Variants in DPP10 observed in about 807,000 individuals in gnomAD.
DPP10 encodes inactive dipeptidyl peptidase 10.
DPP10 carries 33 observed loss-of-function variants against 120.9 expected under a neutral mutation model. The ratio of observed to expected loss-of-function variants is 0.27; its 90% CI spans 0.21 to 0.37. DPP10 has a LOEUF of 0.37. Among genes scored for constraint, DPP10 ranks in the 10% least tolerant of loss-of-function variants. The probability of loss-of-function intolerance (pLI) is 1.00; values close to 1 mark genes in which losing one functional copy is unlikely to be tolerated. For missense variants in DPP10, 816 were observed against 942.8 expected (o/e 0.87, Z 1.76); for synonymous variants, 337 against 326.1 (o/e 1.03, Z -0.36).
intron 3 of DPP10, among the ~76,000 whole-genome samples, chr2:115,345,588 AT>A (rs1030950900): frequency 2.6e-5 from 4 of 152,122 alleles, no homozygotes; most frequent in African/African-American, 9.7e-5. Context: ...TTTTGGACAA[AT>A]TATAGACATT....
chr2:115,707,172 C>T (rs1172213017), intron 7 of DPP10, among the ~76,000 whole-genome samples: 4 of 151,882 alleles, frequency 2.6e-5, no homozygotes, highest in Non-Finnish European at 4.4e-5. Flanking sequence ...TTCAACATTT[C>T]TCTTACAGTA....
At chr2:115,467,678 T>C (rs963991949) in intron 3 of DPP10, among the ~76,000 whole-genome samples, 1 of 152,126 alleles carries the variant, frequency 6.6e-6, no homozygotes, top group Non-Finnish European at 1.5e-5. Flanking sequence ...CAATTTAATA[T>C]GATGAACTTA....
intron 1 of DPP10, among the ~76,000 whole-genome samples, chr2:114,568,849 C>G (rs1158207328): frequency 6.6e-6 from 1 of 152,160 alleles, no homozygotes; most frequent in Non-Finnish European, 1.5e-5. Context: ...CTCTGTATCA[C>G]CAAATCTATT....
chr2:114,848,843 T>C (rs1688738171), intron 1 of DPP10, among the ~76,000 whole-genome samples: 2 of 152,156 alleles, frequency 1.3e-5, no homozygotes, highest in South Asian at 4.1e-4. Flanking sequence ...TTACACTGGG[T>C]GGCTTATAAA....
At chr2:115,476,314 CG>C (rs1374089713) in intron 3 of DPP10, among the ~76,000 whole-genome samples, 1 of 152,076 alleles carries the variant, frequency 6.6e-6, no homozygotes, top group Non-Finnish European at 1.5e-5. Context: ...ATTCTGCAGC[CG>C]TGTAAGACAT....
chr2:114,989,621 CTA>C (rs1700638214), intron 1 of DPP10, among the ~76,000 whole-genome samples: 1 of 152,122 alleles, frequency 6.6e-6, no homozygotes, highest in South Asian at 2.1e-4. Flanking sequence ...TATAGAGAAT[CTA>C]TTTTAGAAAC....
At chr2:115,396,849 G>T (rs147788829) in intron 3 of DPP10, among the ~76,000 whole-genome samples, 2 of 152,030 alleles carry the variant, frequency 1.3e-5, no homozygotes, top group Non-Finnish European at 2.9e-5. Context: ...AAGGAAAAAC[G>T]AACCAAGGAA....
chr2:115,184,814 A>G (rs960521240), intron 1 of DPP10, among the ~76,000 whole-genome samples: 3 of 152,340 alleles, frequency 2.0e-5, no homozygotes, highest in Middle Eastern at 6.8e-3. Flanking sequence ...AGTAATTGCA[A>G]TGAGACAGAA....
chr2:115,370,284 A>G (rs2065322836), intron 3 of DPP10, among the ~76,000 whole-genome samples: 1 of 152,016 alleles, frequency 6.6e-6, no homozygotes, highest in Admixed American at 6.6e-5. Flanking sequence ...TACTTACTTG[A>G]AGGTCAGTCA....
intron 3 of DPP10, among the ~76,000 whole-genome samples, chr2:115,454,234 TATC>T (rs1276438062): frequency 1.3e-5 from 2 of 151,526 alleles, no homozygotes; most frequent in African/African-American, 4.8e-5. Context: ...CTAATTCTCA[TATC>T]AGACAAATGC....
chr2:115,831,885 C>T (rs1020045293), intron 21 of DPP10, among the ~76,000 whole-genome samples: 1 of 152,126 alleles, frequency 6.6e-6, no homozygotes, highest in Non-Finnish European at 1.5e-5. Context: ...TAGCAAAATC[C>T]GATCACGGGA....
At chr2:115,021,943 T>C (rs1212673958) in intron 1 of DPP10, among the ~76,000 whole-genome samples, 1 of 152,088 alleles carries the variant, frequency 6.6e-6, no homozygotes, top group Non-Finnish European at 1.5e-5. Context: ...AGAAAAGCGT[T>C]TGACAAAATC....
chr2:115,019,175 G>A (rs569335298), intron 1 of DPP10, among the ~76,000 whole-genome samples: 40 of 151,526 alleles, frequency 2.6e-4, no homozygotes, highest in African/African-American at 7.5e-4. Context: ...TTTTTAATTT[G>A]TACTAAAAGC....
chr2:114,593,019 A>C (rs1691591578), intron 1 of DPP10, among the ~76,000 whole-genome samples: 1 of 152,182 alleles, frequency 6.6e-6, no homozygotes, highest in African/African-American at 2.4e-5. Flanking sequence ...TCTCTTCCAG[A>C]TAATACAAAA....
At chr2:115,391,753 A>C (rs1469611477) in intron 3 of DPP10, among the ~76,000 whole-genome samples, 1 of 152,136 alleles carries the variant, frequency 6.6e-6, no homozygotes, top group East Asian at 1.9e-4. Context: ...TAACATATTA[A>C]AAATATTTAT....
At chr2:114,792,990 TTGTGTGTGTGTGTG>T (rs55780807) in intron 1 of DPP10, among the ~76,000 whole-genome samples, 8 of 143,740 alleles carry the variant, frequency 5.6e-5, no homozygotes, top group South Asian at 4.6e-4. Flanking sequence ...AACTGTATTA[TTGTGTGTGTGTGTG>T]TGTGTGTGTG....
chr2:115,573,681 G>A (rs2081485772), intron 5 of DPP10, among the ~76,000 whole-genome samples: 1 of 148,322 alleles, frequency 6.7e-6, no homozygotes, highest in Non-Finnish European at 1.5e-5. Context: ...TCCGCCTCCT[G>A]GGTTTAAGCA....
At chr2:115,504,011 A>G (rs2076818155) in intron 4 of DPP10, among the ~76,000 whole-genome samples, 1 of 152,140 alleles carries the variant, frequency 6.6e-6, no homozygotes, top group African/African-American at 2.4e-5. Flanking sequence ...CAAAGTAATG[A>G]CTTTTAAATT....
chr2:114,838,195 A>G (rs1687887607), intron 1 of DPP10, among the ~76,000 whole-genome samples: 1 of 152,328 alleles, frequency 6.6e-6, no homozygotes, highest in South Asian at 2.1e-4. Context: ...ATGCATCCTA[A>G]CCTCAAGGAA....
Sources: gnomAD v4.1 joint callset for allele counts (sites outside exome capture counted in the v4.1 genomes callset) on GRCh38, gnomAD v4.1.1 for gene constraint, MANE v1.5 for transcripts, NCBI Gene and HGNC (gene_info 2026-07-23, HGNC 2026-07-21) for gene names.